Variants in PPP2R5A observed in about 807,000 individuals in gnomAD.
PPP2R5A encodes protein phosphatase 2 regulatory subunit B'alpha, also known as serine/threonine-protein phosphatase 2A 56 kDa regulatory subunit alpha isoform.
Under a neutral mutation model 64.2 loss-of-function variants are expected in PPP2R5A, and 25 were observed. The ratio of observed to expected loss-of-function variants is 0.39; its 90% CI spans 0.28 to 0.54. The LOEUF (loss-of-function observed/expected upper bound fraction) is 0.54, where lower values mean the gene tolerates loss of function less well. PPP2R5A is among the 20% of genes least tolerant of loss of function. The pLI, the probability that PPP2R5A is intolerant of heterozygous loss-of-function variation, is 0.67. For synonymous variants in PPP2R5A, 198 were observed against 201.2 expected, an observed-to-expected ratio of 0.98 and a Z score of 0.13; for missense variants, 425 against 576.3, an observed-to-expected ratio of 0.74 and a Z score of 2.69.
chr1:212,336,282 A>T (rs1458002072), intron 3 of PPP2R5A, among the ~76,000 whole-genome samples: 1 of 151,842 alleles, frequency 6.6e-6, no homozygotes, highest in African/African-American at 2.4e-5. Context: ...TGCCCAGCTA[A>T]TTGTTGTATT....
chr1:212,305,426 T>C (rs922635386), intron 1 of PPP2R5A, among the ~76,000 whole-genome samples: 2 of 152,130 alleles, frequency 1.3e-5, no homozygotes, highest in African/African-American at 4.8e-5. Context: ...AGGTTTGTTT[T>C]ATTATCTGGT....
intron 1 of PPP2R5A, chr1:212,302,118 C>T (rs1658808352): frequency 6.7e-7 from 1 of 1,489,690 alleles, no homozygotes; most frequent in Admixed American, 2.0e-5. Flanking sequence ...TTTCAGTGTT[C>T]TACTTGGTAT....
intron 1 of PPP2R5A, among the ~76,000 whole-genome samples, chr1:212,314,417 A>C (rs1659105659): frequency 6.6e-6 from 1 of 151,424 alleles, no homozygotes; most frequent in African/African-American, 2.4e-5. Flanking sequence ...TTCTTAAAAA[A>C]CCCATCTTAA....
At chr1:212,355,136 T>C (rs758557729) in intron 8 of PPP2R5A, among the ~76,000 whole-genome samples, 1 of 152,366 alleles carries the variant, frequency 6.6e-6, no homozygotes, top group Middle Eastern at 3.4e-3. Context: ...TTATTCTTTA[T>C]GCACATTATA....
At chr1:212,301,740 G>T in intron 1 of PPP2R5A, 1 of 922,540 alleles carries the variant, frequency 1.1e-6, no homozygotes. Flanking sequence ...TTCTGTGCCA[G>T]TTTCTTAAAT....
chr1:212,320,139 TG>T (rs1476367322), intron 1 of PPP2R5A, among the ~76,000 whole-genome samples: 3 of 151,542 alleles, frequency 2.0e-5, no homozygotes, highest in Non-Finnish European at 4.4e-5. Flanking sequence ...TAGGGAGTGG[TG>T]ATGACTCTTA....
chr1:212,319,870 G>T (rs1179154964), intron 1 of PPP2R5A, among the ~76,000 whole-genome samples: 3 of 150,704 alleles, frequency 2.0e-5, no homozygotes, highest in African/African-American at 7.3e-5. Context: ...TGATCCGCCC[G>T]TCTCAGCCTT....
At chr1:212,286,419 C>CCCCACATGGTAGTGTGTGAGCCGAGTTA in intron 1 of PPP2R5A, 128 bp downstream of exon 1, 1 of 1,030,958 alleles carries the variant, frequency 9.7e-7, no homozygotes, top group Non-Finnish European at 1.3e-6. Context: ...GAGCCGAGTT[C>CCCCACATGGTAGTGTGTGAGCCGAGTTA]CCCACAATGC....
chr1:212,309,526 A>C (rs1489419118), intron 1 of PPP2R5A: 29 of 750,320 alleles, frequency 3.9e-5, no homozygotes, highest in East Asian at 2.2e-4. Flanking sequence ...CATCTTGTGA[A>C]AAGCCCTTCT....
At chr1:212,320,152 C>A (rs4951587) in intron 1 of PPP2R5A, among the ~76,000 whole-genome samples, 1 of 151,108 alleles carries the variant, frequency 6.6e-6, no homozygotes. Flanking sequence ...TGACTCTTAA[C>A]GAGCATGCTG....
chr1:212,309,289 A>G (rs781528450), intron 1 of PPP2R5A: 5 of 1,531,358 alleles, frequency 3.3e-6, no homozygotes, highest in Non-Finnish European at 4.5e-6. Flanking sequence ...CGGAAACTTG[A>G]TGATAGCATA....
chr1:212,336,193 CA>C (rs1682444218), intron 3 of PPP2R5A, among the ~76,000 whole-genome samples: 1 of 152,116 alleles, frequency 6.6e-6, no homozygotes, highest in African/African-American at 2.4e-5. Context: ...CGGCTCACTG[CA>C]ACCTCCACCT....
At chr1:212,327,132 G>T (rs1659419886) in intron 1 of PPP2R5A, among the ~76,000 whole-genome samples, 1 of 152,178 alleles carries the variant, frequency 6.6e-6, no homozygotes, top group South Asian at 2.1e-4. Context: ...TCTTTATGAA[G>T]ATTTCTGCCT....
At chr1:212,311,458 T>A (rs1659030871) in intron 1 of PPP2R5A, among the ~76,000 whole-genome samples, 1 of 150,422 alleles carries the variant, frequency 6.6e-6, no homozygotes, top group Non-Finnish European at 1.5e-5. Context: ...AGAGCAAGAC[T>A]CCGTCTCAAA....
chr1:212,336,135 G>A (rs1212746695), intron 3 of PPP2R5A, among the ~76,000 whole-genome samples: 1 of 152,036 alleles, frequency 6.6e-6, no homozygotes, highest in Non-Finnish European at 1.5e-5. Flanking sequence ...TTATTTTTGA[G>A]ATGGAGTCTC....
At chr1:212,354,649 C>T (rs1457005326) in intron 8 of PPP2R5A, among the ~76,000 whole-genome samples, 1 of 151,826 alleles carries the variant, frequency 6.6e-6, no homozygotes, top group Non-Finnish European at 1.5e-5. Context: ...TTCAAGGTTA[C>T]AATGACCTCT....
chr1:212,308,096 T>C (rs1471471094), intron 1 of PPP2R5A, among the ~76,000 whole-genome samples: 1 of 152,074 alleles, frequency 6.6e-6, no homozygotes, highest in Non-Finnish European at 1.5e-5. Context: ...CTGCCTCAGC[T>C]CCCAAGCCTT....
intron 3 of PPP2R5A, among the ~76,000 whole-genome samples, chr1:212,341,029 T>C (rs1659676855): frequency 6.6e-6 from 1 of 152,210 alleles, no homozygotes; most frequent in Non-Finnish European, 1.5e-5. Context: ...GTTAAATTGA[T>C]ATAGTATTGT....
intron 1 of PPP2R5A, among the ~76,000 whole-genome samples, chr1:212,298,871 G>A (rs1276236722): frequency 9.8e-5 from 4 of 40,962 alleles, no homozygotes; most frequent in Non-Finnish European, 1.8e-4. Context: ...GGCTGGCCAG[G>A]CGGGGGGCTG....
Sources: allele counts gnomAD v4.1 joint callset (sites outside exome capture counted in the v4.1 genomes callset), GRCh38; gene constraint gnomAD v4.1.1; transcripts MANE v1.5; gene names NCBI Gene and HGNC (gene_info 2026-07-23, HGNC 2026-07-21).